MGAT5: variants seen among roughly 807,000 people sequenced by gnomAD.
The protein encoded by MGAT5 is alpha-1,6-mannosylglycoprotein 6-beta-N-acetylglucosaminyltransferase.
MGAT5 carries 30 observed loss-of-function variants against 94.3 expected under a neutral mutation model. That is an observed-to-expected ratio of 0.32 (90% CI 0.24 to 0.43). The LOEUF is 0.43. MGAT5 is among the 20% of genes least tolerant of loss of function. The pLI, the probability that MGAT5 is intolerant of heterozygous loss-of-function variation, is 1.00. For missense variants in MGAT5, 691 were observed against 905.5 expected, an observed-to-expected ratio of 0.76 and a Z score of 3.04; for synonymous variants, 310 against 322.9, an observed-to-expected ratio of 0.96 and a Z score of 0.43.
At chr2:134,444,391 C>T (rs912589696) in intron 15 of MGAT5, among the ~76,000 whole-genome samples, 3 of 152,222 alleles carry the variant, frequency 2.0e-5, no homozygotes, top group Admixed American at 6.5e-5. Context: ...TGTAGAGATG[C>T]GGGCTTTCTT....
At position 134,130,524 on chromosome 2, in the gene MGAT5, A is replaced by G. The variant is rs1320142954; in HGVS notation, c.-143+10233A>G. Among the ~76,000 whole-genome samples the G allele has an allele frequency of 3.9e-5, 6 of 152,222 alleles. 1 individual carries two copies. The highest frequency in any genetic ancestry group is 3.9e-4 in the Admixed American group (6 of 15,288). ...TTTATGTCTAGCTGGAGGATTGTGT[A>G]TGCACCAATCAGCACTCTGTGTCTG... On this transcript the variant is annotated intron_variant, in intron 1 of 16. Coordinates refer to the MGAT5 transcript ENST00000409645.
intron 2 of MGAT5, among the ~76,000 whole-genome samples, chr2:134,291,203 C>T (rs937759426): frequency 6.6e-6 from 1 of 152,130 alleles, no homozygotes; most frequent in Admixed American, 6.5e-5. Context: ...TCCTAACCCC[C>T]AAGGCGATGG....
At chr2:134,400,362 T>C (rs1682967827) in intron 10 of MGAT5, among the ~76,000 whole-genome samples, 1 of 152,220 alleles carries the variant, frequency 6.6e-6, no homozygotes, top group Admixed American at 6.5e-5. Context: ...TTTCCTCTAA[T>C]CAGCTGTTGG....
chr2:134,173,740 C>T (rs1010987751), intron 1 of MGAT5, among the ~76,000 whole-genome samples: 4 of 152,326 alleles, frequency 2.6e-5, no homozygotes, highest in Non-Finnish European at 5.9e-5. Context: ...CTGTTGTCAA[C>T]CTGTTGTTGG....
chr2:134,448,917 A>G lies in MGAT5; in HGVS notation c.*70A>G, dbSNP rs1685949519. On this transcript the variant is annotated 3_prime_UTR_variant, in exon 16 of 16. Transcript: ENST00000281923. ...GGCCCCAGCCCCGTCAGGCAGGGCCAGGGACAGAAGTCATGCAGGGACTCT... is the reference window on the plus strand; with the variant it reads ...GGCCCCAGCCCCGTCAGGCAGGGCCGGGGACAGAAGTCATGCAGGGACTCT... 1.3e-6 allele frequency: 2 copies of G among 1,491,102 alleles called. No individual in the cohort carries two copies. The highest frequency in any genetic ancestry group is 1.2e-5 in the South Asian group (1 of 84,580). 92.4% of individuals were successfully genotyped at this position (1,491,102 alleles called of 1,614,324 possible).
intron 9 of MGAT5, among the ~76,000 whole-genome samples, chr2:134,358,252 A>G (rs1351136288): frequency 6.6e-6 from 1 of 151,422 alleles, no homozygotes; most frequent in Admixed American, 6.6e-5. Context: ...CATTAACTAT[A>G]ATTCAATATT....
At chr2:134,182,869 C>G (rs1043550523) in intron 1 of MGAT5, among the ~76,000 whole-genome samples, 2 of 146,420 alleles carry the variant, frequency 1.4e-5, no homozygotes, top group Non-Finnish European at 3.0e-5. Context: ...TCACTGCAAG[C>G]TCCGCCTCCA....
intron 5 of MGAT5, 90 bp from the exon 6 acceptor site, chr2:134,338,169 C>T: frequency 9.2e-7 from 1 of 1,089,460 alleles, no homozygotes; most frequent in African/African-American, 1.6e-5. Flanking sequence ...ATTGACTAAC[C>T]CTTTTAAGTT....
intron 14 of MGAT5, among the ~76,000 whole-genome samples, chr2:134,439,411 A>C (rs908034936): frequency 1.8e-4 from 27 of 152,072 alleles, no homozygotes; most frequent in African/African-American, 6.0e-4. Context: ...TAAAAGTAAC[A>C]CAAGGCCGGG....
At chr2:134,172,307 C>T (rs1357975365) in intron 1 of MGAT5, among the ~76,000 whole-genome samples, 3 of 151,994 alleles carry the variant, frequency 2.0e-5, no homozygotes, top group African/African-American at 7.3e-5. Flanking sequence ...ACCATTGCTC[C>T]AAGATGTGTA....
intron 1 of MGAT5, among the ~76,000 whole-genome samples, chr2:134,122,090 T>C (rs1685620525): frequency 6.6e-6 from 1 of 151,092 alleles, no homozygotes; most frequent in Non-Finnish European, 1.5e-5. Context: ...CAGTAAAGAT[T>C]AGAGCAAAGC....
intron 10 of MGAT5, among the ~76,000 whole-genome samples, chr2:134,391,299 T>A (rs138628467): frequency 6.6e-6 from 1 of 152,118 alleles, no homozygotes; most frequent in Non-Finnish European, 1.5e-5. Context: ...GGGTGGTGAA[T>A]GGCAGGATGG....
chr2:134,418,454 C>T (rs530715391), intron 12 of MGAT5, among the ~76,000 whole-genome samples: 41 of 152,264 alleles, frequency 2.7e-4, no homozygotes, highest in African/African-American at 9.1e-4. Flanking sequence ...GTCCTAGGCT[C>T]CCCCAGGAGG....
intron 1 of MGAT5, among the ~76,000 whole-genome samples, chr2:134,265,920 A>G (rs2105600423): frequency 6.6e-6 from 1 of 152,242 alleles, no homozygotes; most frequent in Middle Eastern, 3.4e-3. Flanking sequence ...CTGTAATCCG[A>G]GCATTTTGGG....
chr2:134,242,130 T>C (rs886546199), intron 1 of MGAT5, among the ~76,000 whole-genome samples: 25 of 152,308 alleles, frequency 1.6e-4, no homozygotes, highest in Admixed American at 4.6e-4. Flanking sequence ...CTTTGGATTA[T>C]AAAACAACAA....
chr2:134,274,850 T>C (rs1684258896), intron 2 of MGAT5, among the ~76,000 whole-genome samples: 1 of 152,208 alleles, frequency 6.6e-6, no homozygotes, highest in South Asian at 2.1e-4. Context: ...GGGAGCGATA[T>C]GCAACACTTT....
intron 4 of MGAT5, among the ~76,000 whole-genome samples, chr2:134,328,433 T>G (rs1406502908): frequency 6.6e-6 from 1 of 152,130 alleles, no homozygotes; most frequent in Non-Finnish European, 1.5e-5. Context: ...GAGCTTTCCC[T>G]TGAGTTTTCA....
intron 7 of MGAT5, among the ~76,000 whole-genome samples, chr2:134,342,248 G>T (rs1688675194): frequency 1.3e-5 from 2 of 152,034 alleles, no homozygotes; most frequent in Non-Finnish European, 2.9e-5. Context: ...AACTCTACTT[G>T]GGTTTTTCAT....
intron 10 of MGAT5, among the ~76,000 whole-genome samples, chr2:134,384,600 T>G (rs1200384652): frequency 6.6e-6 from 1 of 152,242 alleles, no homozygotes; most frequent in African/African-American, 2.4e-5. Flanking sequence ...TTTCTCAAGT[T>G]CACATTTGAT....
Sources: allele counts gnomAD v4.1 joint callset (sites outside exome capture counted in the v4.1 genomes callset), GRCh38; gene constraint gnomAD v4.1.1; transcripts MANE v1.5; gene names NCBI Gene and HGNC (gene_info 2026-07-23, HGNC 2026-07-21).